Variants in NRG3 observed in about 807,000 individuals in gnomAD.
The protein encoded by NRG3 is neuregulin 3, also known as pro-neuregulin-3, membrane-bound isoform.
In NRG3, 31 loss-of-function variants were observed where a neutral mutation model predicts 66.9. That is an observed-to-expected ratio of 0.46 (90% CI 0.35 to 0.63). NRG3 has a LOEUF of 0.63. Among genes scored for constraint, NRG3 ranks in the 20% least tolerant of loss-of-function variants. The pLI, the probability that NRG3 is intolerant of heterozygous loss-of-function variation, is 0.00. For synonymous variants in NRG3, 393 were observed against 359.4 expected, an observed-to-expected ratio of 1.09 and a Z score of -1.06; for missense variants, 910 against 878.9, an observed-to-expected ratio of 1.04 and a Z score of -0.45.
chr10:82,050,867 C>T (rs992736637), intron 1 of NRG3, among the ~76,000 whole-genome samples: 1 of 152,002 alleles, frequency 6.6e-6, no homozygotes, highest in Admixed American at 6.6e-5. Flanking sequence ...TTCATCTTTA[C>T]CCTGGTCATT....
chr10:82,689,167 A>G (rs1317904984), intron 2 of NRG3, among the ~76,000 whole-genome samples: 1 of 152,158 alleles, frequency 6.6e-6, no homozygotes, highest in Non-Finnish European at 1.5e-5. Flanking sequence ...CATGTGGTTC[A>G]CCCTAATACT....
intron 2 of NRG3, among the ~76,000 whole-genome samples, chr10:82,447,313 A>G (rs951549327): frequency 3.0e-4 from 45 of 152,278 alleles, no homozygotes; most frequent in African/African-American, 1.1e-3. Context: ...GGCCAGGCAC[A>G]GTGGCCCATG....
chr10:82,788,488 T>C (rs2060459067), intron 3 of NRG3, among the ~76,000 whole-genome samples: 1 of 152,126 alleles, frequency 6.6e-6, no homozygotes, highest in South Asian at 2.1e-4. Context: ...GAGAATCGCT[T>C]GAACCCAGGA....
chr10:82,638,351 T>C lies in NRG3; in HGVS notation c.954-100226T>C, dbSNP rs562492055. 2.0e-5 allele frequency among the ~76,000 whole-genome samples: 3 copies of C among 152,302 alleles called. No individual in the cohort carries two copies. The South Asian group carries it at 6.2e-4, about 32-fold the overall frequency. The stretch of plus-strand genomic sequence containing the variant: ...AATATGATTAGGTGGATGAAATATT[T>C]TGGAGTTTGGTTTTGTTTTAAATGT... On this transcript the variant is annotated intron_variant, in intron 2 of 8. Coordinates refer to ENST00000372141, the MANE Select transcript of NRG3 (RefSeq NM_001010848.4).
At chr10:82,684,389 A>G (rs928997331) in intron 2 of NRG3, among the ~76,000 whole-genome samples, 1 of 152,100 alleles carries the variant, frequency 6.6e-6, no homozygotes, top group Non-Finnish European at 1.5e-5. Flanking sequence ...TTTAAATTGA[A>G]CCCAAAGGCA....
At chr10:82,669,985 T>A (rs953894310) in intron 2 of NRG3, among the ~76,000 whole-genome samples, 2 of 151,960 alleles carry the variant, frequency 1.3e-5, no homozygotes, top group African/African-American at 4.8e-5. Flanking sequence ...ACCACTCCCC[T>A]TTGGAGCCCA....
intron 2 of NRG3, among the ~76,000 whole-genome samples, chr10:82,394,572 A>G (rs1292209165): frequency 6.6e-6 from 1 of 152,172 alleles, no homozygotes; most frequent in Non-Finnish European, 1.5e-5. Flanking sequence ...GGGAAAAGCA[A>G]CAGAGCTTCT....
At chr10:82,977,663 A>G (rs922588287) in intron 7 of NRG3, among the ~76,000 whole-genome samples, 1 of 151,792 alleles carries the variant, frequency 6.6e-6, no homozygotes, top group Non-Finnish European at 1.5e-5. Flanking sequence ...GCCAGATATG[A>G]TCTCCTGCTT....
chr10:82,771,665 T>C (rs2059716516), intron 3 of NRG3, among the ~76,000 whole-genome samples: 1 of 152,214 alleles, frequency 6.6e-6, no homozygotes, highest in Non-Finnish European at 1.5e-5. Context: ...AAATTATTAA[T>C]ACTTAATCAG....
intron 4 of NRG3, among the ~76,000 whole-genome samples, chr10:82,891,621 A>G (rs1843153283): frequency 6.6e-6 from 1 of 152,002 alleles, no homozygotes; most frequent in South Asian, 2.1e-4. Context: ...GTTTTTATAT[A>G]TTGAGTTTAT....
intron 7 of NRG3, among the ~76,000 whole-genome samples, chr10:82,974,186 C>A (rs983397889): frequency 6.6e-6 from 1 of 152,076 alleles, no homozygotes; most frequent in Non-Finnish European, 1.5e-5. Context: ...AAAATGCATT[C>A]TGAAAAACTA....
chr10:82,765,577 A>G (rs1364662671), intron 3 of NRG3, among the ~76,000 whole-genome samples: 2 of 152,298 alleles, frequency 1.3e-5, no homozygotes, highest in African/African-American at 2.4e-5. Context: ...AGTGACAAAT[A>G]CCAAAGGTAG....
chr10:82,430,318 C>T (rs187106510), intron 2 of NRG3, among the ~76,000 whole-genome samples: 246 of 151,840 alleles, frequency 1.6e-3, no homozygotes, highest in African/African-American at 5.8e-3. Context: ...AGTGCAGTGG[C>T]GCCATCTCGG....
At chr10:82,527,435 G>A (rs751207795) in intron 2 of NRG3, among the ~76,000 whole-genome samples, 4 of 152,130 alleles carry the variant, frequency 2.6e-5, no homozygotes, top group Non-Finnish European at 4.4e-5. Flanking sequence ...GAGTGGGAAG[G>A]AATTATAGAG....
At chr10:82,434,445 T>C (rs1018099111) in intron 2 of NRG3, among the ~76,000 whole-genome samples, 2 of 152,138 alleles carry the variant, frequency 1.3e-5, no homozygotes, top group Non-Finnish European at 2.9e-5. Flanking sequence ...TTTATTTCTT[T>C]CTCTTGCCTG....
intron 2 of NRG3, among the ~76,000 whole-genome samples, chr10:82,632,058 C>T (rs533783500): frequency 1.9e-4 from 29 of 152,078 alleles, no homozygotes; most frequent in Non-Finnish European, 3.2e-4. Flanking sequence ...GCCGAGATCA[C>T]GCCATTGCAC....
chr10:82,173,674 AACACACACACACACAC>A lies in NRG3; in HGVS notation c.824-185050_824-185035del, dbSNP rs3037392. ...ACACACAGAGATGTATGCATATGTG[AACACACACACACACAC>A]ACACACACACACACGCATGAAAAGA... On this transcript the variant is annotated intron_variant, in intron 1 of 8. Coordinates refer to ENST00000372141, the MANE Select transcript of NRG3 (RefSeq NM_001010848.4). Among the ~76,000 whole-genome samples the A allele has an allele frequency of 8.8e-3, 1,287 of 146,618 alleles. 11 individuals carry two copies. Among genetic ancestry groups the A allele is most frequent in the Non-Finnish European group, 0.014 (915 of 66,558 alleles).
chr10:82,601,757 C>T (rs1332200805), intron 2 of NRG3, among the ~76,000 whole-genome samples: 1 of 150,244 alleles, frequency 6.7e-6, no homozygotes, highest in Non-Finnish European at 1.5e-5. Context: ...CACATGTAAT[C>T]CTAGCACTTT....
chr10:82,920,988 G>A (rs1025793110), intron 4 of NRG3, among the ~76,000 whole-genome samples: 8 of 151,738 alleles, frequency 5.3e-5, no homozygotes, highest in Admixed American at 2.0e-4. Flanking sequence ...GAGATGAAAC[G>A]TAACTTCTTA....
Sources: allele counts gnomAD v4.1 joint callset (sites outside exome capture counted in the v4.1 genomes callset), GRCh38; gene constraint gnomAD v4.1.1; transcripts MANE v1.5; gene names NCBI Gene and HGNC (gene_info 2026-07-23, HGNC 2026-07-21).